SI: variants seen among roughly 807,000 people sequenced by gnomAD.
SI encodes sucrase-isomaltase, also known as sucrase-isomaltase, intestinal.
In SI, 235 loss-of-function variants were observed where a neutral mutation model predicts 253.3. The ratio of observed to expected loss-of-function variants is 0.93; its 90% CI spans 0.83 to 1.03. The LOEUF (loss-of-function observed/expected upper bound fraction) is 1.03. SI is among the 50% of genes least tolerant of loss of function. SI has a pLI of 0.00. For missense variants in SI, 2,442 were observed against 2,211.1 expected, an observed-to-expected ratio of 1.10 and a Z score of -2.09; for synonymous variants, 819 against 712.0, an observed-to-expected ratio of 1.15 and a Z score of -2.39.
At chr3:165,036,550 C>T (rs1394035841) in intron 21 of SI, 73 bp from the exon 22 acceptor site, 1 of 1,007,906 alleles carries the variant, frequency 9.9e-7, no homozygotes. Context: ...TAAACAAGTC[C>T]ACTTCAACCT....
intron 34 of SI, among the ~76,000 whole-genome samples, chr3:165,012,744 A>T (rs775738945): frequency 2.6e-5 from 4 of 152,116 alleles, no homozygotes; most frequent in Non-Finnish European, 5.9e-5. Context: ...CTTTTTAAAT[A>T]AAGGAATGAT....
Position 165,043,175 on chromosome 3 carries a change from C to A in SI, c.1888G>T (p.Val630Phe). 6.3e-7 allele frequency: 1 copy of A among 1,593,430 alleles called. No homozygotes were observed. Among genetic ancestry groups the A allele is most frequent in the Non-Finnish European group, 8.6e-7 (1 of 1,162,498 alleles). Residue 630 changes from valine (V) to phenylalanine (F), a missense_variant and splice_region_variant, in exon 17 of 48, where the codon GTT (valine) becomes TTT (phenylalanine). Physicochemically the swap from Val to Phe is conservative, Grantham distance 50. Coordinates refer to ENST00000264382, the MANE Select transcript of SI (RefSeq NM_001041.4). ...ACAAATCCACAGATGTCTGCTCCAA[C>A]CTAAATAACAAATATATTTACTATT... Reference protein sequence around the residue: ...LEFSLFGIPLVGADICGFVAE... With the variant: ...LEFSLFGIPLFGADICGFVAE...
intron 16 of SI, among the ~76,000 whole-genome samples, chr3:165,046,355 T>C (rs1444890563): frequency 6.6e-6 from 1 of 151,890 alleles, no homozygotes; most frequent in East Asian, 1.9e-4. Flanking sequence ...ATATTTCATG[T>C]CTACAATTCC....
At chr3:164,995,364 C>T (rs1717961939) in intron 40 of SI, among the ~76,000 whole-genome samples, 1 of 151,660 alleles carries the variant, frequency 6.6e-6, no homozygotes, top group South Asian at 2.1e-4. Flanking sequence ...AGAAAAAAGG[C>T]AAAGATCATA....
intron 16 of SI, among the ~76,000 whole-genome samples, chr3:165,044,334 TATA>T (rs924826909): frequency 6.6e-6 from 1 of 152,000 alleles, no homozygotes; most frequent in African/African-American, 2.4e-5. Context: ...CTGGTTTACT[TATA>T]ATGTGCATTG....
In SI at chr3:165,023,746, A is replaced by G. The variant is rs146785675; in HGVS notation, c.2923T>C (p.Tyr975His). Residue 975 changes from tyrosine (Y) to histidine (H), a missense_variant, in exon 26 of 48, where the codon TAC becomes CAC. Physicochemically the swap from Tyr to His is moderately conservative, Grantham distance 83. Coordinates refer to ENST00000264382, the MANE Select transcript of SI (RefSeq NM_001041.4). ...GSSLSKAPEC[Y>H]FPRQDNSYSV... ...TAAGAGTTATCTTGTCTGGGAAAGTAACACTCAGGTGCTTTGGATAGAGAA... is the reference window on the plus strand; with the variant it reads ...TAAGAGTTATCTTGTCTGGGAAAGTGACACTCAGGTGCTTTGGATAGAGAA... 7,983 of 1,610,422 alleles carry G rather than the reference A, an allele frequency of 5.0e-3. 28 individuals carry two copies. The highest frequency in any genetic ancestry group is 0.016 in the Middle Eastern group (94 of 6,046).
At chr3:165,023,870 G>A (rs1307416877) in intron 25 of SI, 94 bp from the exon 26 acceptor site, 2 of 852,728 alleles carry the variant, frequency 2.3e-6, no homozygotes, top group Non-Finnish European at 3.9e-6. Flanking sequence ...CACATTGTAT[G>A]ATTTACAAGT....
At chr3:164,980,030 G>A (rs1717105430) in intron 47 of SI, among the ~76,000 whole-genome samples, 1 of 151,644 alleles carries the variant, frequency 6.6e-6, no homozygotes. Flanking sequence ...GACGATTTCA[G>A]GAGACTTTAC....
At chr3:165,047,416 A>G (rs2108229243) in intron 15 of SI, among the ~76,000 whole-genome samples, 1 of 152,236 alleles carries the variant, frequency 6.6e-6, no homozygotes, top group East Asian at 1.9e-4. Flanking sequence ...CTCCTTCTTT[A>G]GTAAATTGCC....
In SI at chr3:165,013,012, C is replaced by T. The variant is rs758368391; in HGVS notation, c.4030G>A (p.Asp1344Asn). ...VWPDLPNITIDKTLTEDEAVN... is the reference protein window; with the variant it reads ...VWPDLPNITINKTLTEDEAVN... ...GCTTCATCTTCCGTTAGAGTTTTATCTATTGTTATGTTGGGCAAATCTGGC... is the reference window on the plus strand; with the variant it reads ...GCTTCATCTTCCGTTAGAGTTTTATTTATTGTTATGTTGGGCAAATCTGGC... Residue 1344 changes from aspartate to asparagine, a missense_variant, in exon 34 of 48, where the codon GAT becomes AAT. By Grantham distance (23) the Asp-to-Asn change is conservative. Coordinates refer to ENST00000264382, the MANE Select transcript of SI (RefSeq NM_001041.4). The T allele has an allele frequency of 6.2e-7, 1 of 1,610,752 alleles. No homozygotes were observed. Among genetic ancestry groups the T allele is most frequent in the Non-Finnish European group, 8.5e-7 (1 of 1,177,212 alleles).
intron 33 of SI, among the ~76,000 whole-genome samples, chr3:165,014,391 G>A (rs1158395312): frequency 6.6e-6 from 1 of 152,074 alleles, no homozygotes; most frequent in African/African-American, 2.4e-5. Flanking sequence ...TGGGACTACA[G>A]GCACCCGCCA....
At chr3:165,040,908 G>GT in intron 18 of SI, 32 bp downstream of exon 18, 1 of 1,538,108 alleles carries the variant, frequency 6.5e-7, no homozygotes, top group Non-Finnish European at 9.0e-7. Context: ...ACTTTAAAAG[G>GT]TATTATTATA....
intron 7 of SI, among the ~76,000 whole-genome samples, chr3:165,064,634 G>A (rs1446119576): frequency 6.6e-6 from 1 of 151,750 alleles, no homozygotes; most frequent in Non-Finnish European, 1.5e-5. Flanking sequence ...AACATATACA[G>A]GAATAATACA....
chr3:165,043,285 A>T (rs1712942886), intron 16 of SI, 110 bp from the exon 17 acceptor site: 3 of 735,298 alleles, frequency 4.1e-6, no homozygotes, highest in East Asian at 2.7e-5. Flanking sequence ...AATTTGTTTT[A>T]CTCCTTTTAT....
chr3:164,986,650 A>ACAT (rs1364444210), intron 45 of SI, among the ~76,000 whole-genome samples: 1 of 152,144 alleles, frequency 6.6e-6, no homozygotes, highest in Non-Finnish European at 1.5e-5. Flanking sequence ...AACTATGATT[A>ACAT]CATATGTTTG....
chr3:164,998,661 C>A lies in SI; in HGVS notation c.4419G>T (p.Lys1473Asn). 1 of 1,610,934 alleles carries A rather than the reference C, an allele frequency of 6.2e-7. No individual in the cohort carries two copies. Among genetic ancestry groups the A allele is most frequent in the Non-Finnish European group, 8.5e-7 (1 of 1,177,724 alleles). Residue 1473 changes from lysine (K) to asparagine (N), a missense_variant, in exon 38 of 48, where the codon AAG becomes AAT. Lys to Asn is a moderately conservative substitution (Grantham distance 94). Coordinates refer to ENST00000264382, the MANE Select transcript of SI (RefSeq NM_001041.4). ...QMKPTHDALQ[K>N]TTGKRGIVIS... Reference sequence around the variant, plus strand: ...TTACAATCCCTCTTTTTCCAGTTGTCTTCTGCAATGCACTAATATAGTAGA... The same window carrying A: ...TTACAATCCCTCTTTTTCCAGTTGTATTCTGCAATGCACTAATATAGTAGA...
intron 44 of SI, among the ~76,000 whole-genome samples, chr3:164,990,371 T>TAAGTTGTCA (rs1717674049): frequency 6.6e-6 from 1 of 152,060 alleles, no homozygotes; most frequent in African/African-American, 2.4e-5. Context: ...TATAAGACAT[T>TAAGTTGTCA]AAGTTGTCAT....
upstream of SI, among the ~76,000 whole-genome samples, chr3:165,083,335 T>A (rs944333264): frequency 1.6e-4 from 25 of 151,794 alleles, no homozygotes; most frequent in South Asian, 8.3e-4. Context: ...CATTTTTTTT[T>A]AAAAAAAGAA....
chr3:165,042,937 C>A (rs1305553497), intron 17 of SI, 122 bp downstream of exon 17: 3 of 734,188 alleles, frequency 4.1e-6, no homozygotes, highest in South Asian at 3.0e-5. Flanking sequence ...GGACTTCTAA[C>A]AATGTCTTAT....
Sources: gnomAD v4.1 joint callset for allele counts (sites outside exome capture counted in the v4.1 genomes callset) on GRCh38, gnomAD v4.1.1 for gene constraint, MANE v1.5 for transcripts, NCBI Gene and HGNC (gene_info 2026-07-23, HGNC 2026-07-21) for gene names.